SLC44A5: variants seen among roughly 807,000 people sequenced by gnomAD.
SLC44A5 encodes the protein solute carrier family 44 member 5, also known as choline transporter-like protein 5.
In SLC44A5, 57 loss-of-function variants were observed where a neutral mutation model predicts 101.8. The observed-to-expected ratio is 0.56, with a 90% CI of 0.45 to 0.70. The LOEUF is 0.70. Ranked by LOEUF, SLC44A5 falls within the 30% of genes least tolerant of loss-of-function variation. SLC44A5 has a pLI of 0.00. For synonymous variants in SLC44A5, 281 were observed against 290.9 expected (o/e 0.97, Z 0.35); for missense variants, 737 against 853.1 (o/e 0.86, Z 1.70).
chr1:75,685,396 G>T, the SLC44A5 span, among the ~76,000 whole-genome samples: 1 of 152,078 alleles, frequency 6.6e-6, no homozygotes, highest in Admixed American at 6.6e-5. Context: ...CTTTTATATT[G>T]CATAATCACG....
the SLC44A5 span, among the ~76,000 whole-genome samples, chr1:75,681,146 G>A: frequency 6.6e-6 from 1 of 152,058 alleles, no homozygotes; most frequent in African/African-American, 2.4e-5. Flanking sequence ...AAAGAGTCCA[G>A]GACCAGATGG....
At chr1:75,488,775 TA>T (rs1668287010) in intron 2 of SLC44A5, among the ~76,000 whole-genome samples, 1 of 152,248 alleles carries the variant, frequency 6.6e-6, no homozygotes, top group African/African-American at 2.4e-5. Flanking sequence ...AGCAATAATT[TA>T]TATGTTCTGT....
chr1:75,683,268 A>G, the SLC44A5 span, among the ~76,000 whole-genome samples: 1 of 152,140 alleles, frequency 6.6e-6, no homozygotes, highest in African/African-American at 2.4e-5. Context: ...ATATACCCAA[A>G]GGACTATAAA....
intron 3 of SLC44A5, among the ~76,000 whole-genome samples, chr1:75,383,223 C>A (rs1417554591): frequency 1.7e-5 from 2 of 116,320 alleles, no homozygotes; most frequent in African/African-American, 6.8e-5. Flanking sequence ...TGACCCTCTC[C>A]CCACAATTGT....
chr1:75,390,542 C>G (rs1570111435), intron 3 of SLC44A5, among the ~76,000 whole-genome samples: 2 of 152,042 alleles, frequency 1.3e-5, no homozygotes, highest in Admixed American at 1.3e-4. Flanking sequence ...TGACTCATCA[C>G]ATCAACAGAA....
rs551512665 is a variant in SLC44A5 at position 75,466,372 on chromosome 1, A to G, written c.14-69751T>C. ...AAACAACTAGAAATAGAAAGAACACACTGGCCGGGTGTGGTGGCTCATGCC... is the reference window on the plus strand; with the variant it reads ...AAACAACTAGAAATAGAAAGAACACGCTGGCCGGGTGTGGTGGCTCATGCC... On this transcript the variant is annotated intron_variant, in intron 2 of 23. Coordinates refer to ENST00000370859, the MANE Select transcript of SLC44A5 (RefSeq NM_001130058.2). 5.3e-5 allele frequency among the ~76,000 whole-genome samples: 8 copies of G among 152,220 alleles called. No homozygotes were observed. The East Asian group carries it at 1.5e-3, about 29-fold the overall frequency.
rs773375039 is a variant in SLC44A5 at position 75,206,735 on chromosome 1, C to T, written c.2048-2902G>A. On this transcript the variant is annotated intron_variant, in intron 23 of 23. Transcript: ENST00000370859. Reference sequence around the variant, plus strand: ...AGATCTTCACCTGTATATGCAGCAGCCAAAGCAGGCAAAAGCAGAAGCAGC... The same window carrying T: ...AGATCTTCACCTGTATATGCAGCAGTCAAAGCAGGCAAAAGCAGAAGCAGC... 11 of 1,402,474 alleles carry T rather than the reference C, an allele frequency of 7.8e-6. No homozygotes were observed. In the South Asian group the frequency reaches 9.6e-5, roughly 12 times the overall value. 86.9% of individuals were successfully genotyped at this position (1,402,474 alleles called of 1,614,324 possible).
chr1:75,565,028 T>C (rs926756888), intron 1 of SLC44A5, among the ~76,000 whole-genome samples: 1 of 152,204 alleles, frequency 6.6e-6, no homozygotes, highest in African/African-American at 2.4e-5. Flanking sequence ...GCAAATGACC[T>C]AGAACCATTA....
At chr1:75,616,063 C>A (rs922047311), upstream of SLC44A5, among the ~76,000 whole-genome samples, 1 of 151,662 alleles carries the variant, frequency 6.6e-6, no homozygotes, top group African/African-American at 2.4e-5. Flanking sequence ...TCGGCTGGGG[C>A]GGGCGCCGCC....
chr1:75,585,078 C>T (rs542256948), intron 1 of SLC44A5, among the ~76,000 whole-genome samples: 1 of 152,334 alleles, frequency 6.6e-6, no homozygotes, highest in South Asian at 2.1e-4. Context: ...AACCCTGGGA[C>T]TTCCTGGTTG....
chr1:75,348,324 T>C (rs1177451231), intron 3 of SLC44A5, among the ~76,000 whole-genome samples: 3 of 152,154 alleles, frequency 2.0e-5, no homozygotes, highest in Admixed American at 6.6e-5. Context: ...AAAGCTATTA[T>C]AGCCTCAAAG....
intron 6 of SLC44A5, among the ~76,000 whole-genome samples, chr1:75,252,784 C>T (rs1649690393): frequency 6.6e-6 from 1 of 152,152 alleles, no homozygotes; most frequent in Admixed American, 6.6e-5. Flanking sequence ...AGAAAGAGGG[C>T]AGCAGTAAAA....
At chr1:75,675,603 A>T in the SLC44A5 span, among the ~76,000 whole-genome samples, 1 of 152,208 alleles carries the variant, frequency 6.6e-6, no homozygotes, top group African/African-American at 2.4e-5. Context: ...TAAAAACCCT[A>T]GAAGAATATC....
At chr1:75,276,932 A>G (rs1651971586) in intron 5 of SLC44A5, among the ~76,000 whole-genome samples, 1 of 152,196 alleles carries the variant, frequency 6.6e-6, no homozygotes. Context: ...AAAACTGCCC[A>G]CCACAGCTGC....
intron 2 of SLC44A5, among the ~76,000 whole-genome samples, chr1:75,470,108 G>A (rs1667025897): frequency 1.3e-5 from 2 of 152,056 alleles, no homozygotes; most frequent in African/African-American, 4.8e-5. Context: ...TTCTGTAAGA[G>A]CAACTAAGGA....
chr1:75,447,677 C>T (rs1012396963), intron 2 of SLC44A5, among the ~76,000 whole-genome samples: 19 of 152,050 alleles, frequency 1.2e-4, no homozygotes, highest in Non-Finnish European at 1.9e-4. Flanking sequence ...CATAGGTGAA[C>T]TAAAAACTAA....
At chr1:75,497,997 T>G (rs897939467) in intron 2 of SLC44A5, among the ~76,000 whole-genome samples, 1 of 152,152 alleles carries the variant, frequency 6.6e-6, no homozygotes, top group Non-Finnish European at 1.5e-5. Context: ...ATAAGGAGGA[T>G]GCTAATCAGT....
In SLC44A5 at chr1:75,219,831, T is replaced by C. The variant is rs1267314671; in HGVS notation, c.1147A>G (p.Ile383Val). 12 of 1,612,922 alleles carry C rather than the reference T, an allele frequency of 7.4e-6. No homozygotes were observed. Among genetic ancestry groups the C allele is most frequent in the South Asian group, 4.4e-5 (4 of 91,010 alleles). ...YPALTFILLS[I>V]CICYWVVTAV... ...GTCACGACCCAGTAGCAAATGCAGA[T>C]TGAGAGCAAAATGAAAGTTAAAGCT... The change falls in exon 15 of 24, where the codon ATC becomes GTC. Residue 383 changes from isoleucine (I) to valine (V), a missense_variant. Physicochemically the swap from Ile to Val is conservative, Grantham distance 29. Transcript: ENST00000370859.
At chr1:75,623,778 C>T in the SLC44A5 span, among the ~76,000 whole-genome samples, 1 of 152,096 alleles carries the variant, frequency 6.6e-6, no homozygotes, top group African/African-American at 2.4e-5. Flanking sequence ...GCCCTATAAA[C>T]TAATGATATA....
Sources: allele counts gnomAD v4.1 joint callset (sites outside exome capture counted in the v4.1 genomes callset), GRCh38; gene constraint gnomAD v4.1.1; transcripts MANE v1.5; gene names NCBI Gene and HGNC (gene_info 2026-07-23, HGNC 2026-07-21).